The following INPP5A variants were observed in gnomAD, a reference collection of about 807,000 sequenced individuals.
The protein encoded by INPP5A is inositol polyphosphate-5-phosphatase A.
Under a neutral mutation model 65.2 loss-of-function variants are expected in INPP5A, and 14 were observed. The ratio of observed to expected loss-of-function variants is 0.21; its 90% CI spans 0.14 to 0.34. INPP5A has a LOEUF of 0.34. Ranked by LOEUF, INPP5A falls within the 10% of genes least tolerant of loss-of-function variation. The pLI is 1.00. For synonymous variants in INPP5A, 207 were observed against 208.3 expected (o/e 0.99, Z 0.05); for missense variants, 431 against 545.6 (o/e 0.79, Z 2.09).
Position 132,599,337 on chromosome 10 carries a change from G to A in INPP5A, c.76-8578G>A, listed in dbSNP as rs552675556. 1.1e-3 allele frequency among the ~76,000 whole-genome samples: 171 copies of A among 152,294 alleles called. 1 individual carries two copies. The highest frequency in any genetic ancestry group is 4.0e-3 in the African/African-American group (165 of 41,564). ...GCCAAAACAAAGGGGTTACAGGGCC[G>A]ATGCAAGTCCGAAATCCAGCGGGGC... On this transcript the variant is annotated intron_variant, in intron 1 of 15. Coordinates refer to ENST00000368594, the MANE Select transcript of INPP5A (RefSeq NM_005539.5).
At chr10:132,680,887 C>G (rs552576177) in intron 4 of INPP5A, among the ~76,000 whole-genome samples, 1 of 152,258 alleles carries the variant, frequency 6.6e-6, no homozygotes, top group African/African-American at 2.4e-5. Flanking sequence ...GCTGCCTTCC[C>G]GAGGGGCAGG....
chr10:132,589,662 G>A (rs1416270155), intron 1 of INPP5A, among the ~76,000 whole-genome samples: 5 of 152,228 alleles, frequency 3.3e-5, no homozygotes, highest in Non-Finnish European at 7.3e-5. Context: ...TGCCAGCCAG[G>A]GCCCAGGCAG....
At position 132,708,509 on chromosome 10, in the gene INPP5A, T is replaced by C. The variant is rs184303472; in HGVS notation, c.527+144T>C. 12 of 819,836 alleles carry C rather than the reference T, an allele frequency of 1.5e-5. No individual in the cohort carries two copies. The East Asian group carries it at 2.9e-4, about 20-fold the overall frequency. The allele number at this position is 819,836 out of a possible 1,614,324, so 50.8% of individuals were successfully genotyped here. ...CAGCTGCCTGACCCCCACCTGCCAC[T>C]CTGACCCTTTTGGTTCACGGCGATG... On this transcript the variant is annotated intron_variant, in intron 7 of 15. Coordinates refer to ENST00000368594, the MANE Select transcript of INPP5A (RefSeq NM_005539.5).
intron 7 of INPP5A, among the ~76,000 whole-genome samples, chr10:132,710,023 G>A (rs1335202787): frequency 2.0e-5 from 3 of 152,278 alleles, no homozygotes; most frequent in African/African-American, 4.8e-5. Flanking sequence ...CTGAGGGGTG[G>A]CCCTTCCTCT....
chr10:132,703,219 G>A (rs1845465462), intron 6 of INPP5A, among the ~76,000 whole-genome samples: 1 of 152,140 alleles, frequency 6.6e-6, no homozygotes, highest in South Asian at 2.1e-4. Context: ...GGGCTCTTGT[G>A]ATTGTCATCA....
intron 2 of INPP5A, among the ~76,000 whole-genome samples, chr10:132,628,453 G>A (rs564898891): frequency 2.2e-3 from 217 of 99,674 alleles, no homozygotes; most frequent in Non-Finnish European, 3.8e-3. Context: ...CTCCAGATGT[G>A]CTCTGGTGGC....
At chr10:132,615,034 G>A (rs776199390) in intron 2 of INPP5A, among the ~76,000 whole-genome samples, 9 of 152,252 alleles carry the variant, frequency 5.9e-5, no homozygotes, top group Non-Finnish European at 8.8e-5. Flanking sequence ...CGCGTCCAGC[G>A]TTGGGTCAGT....
At chr10:132,672,241 A>G (rs1590913640) in intron 4 of INPP5A, among the ~76,000 whole-genome samples, 1 of 152,182 alleles carries the variant, frequency 6.6e-6, no homozygotes, top group East Asian at 1.9e-4. Flanking sequence ...ACTTCATATC[A>G]GCATTTAAGT....
In INPP5A at chr10:132,762,737, G is replaced by A. The variant is rs1846756667; in HGVS notation, c.904-3036G>A. Among the ~76,000 whole-genome samples, 1 of 152,164 alleles carries A rather than the reference G, an allele frequency of 6.6e-6. No individual in the cohort carries two copies. Among genetic ancestry groups the A allele is most frequent in the Admixed American group, 6.5e-5 (1 of 15,278 alleles). On this transcript the variant is annotated intron_variant, in intron 11 of 15. Transcript: ENST00000368594. This position sits in a 1 kb window ranked among gnomAD's most constrained non-coding sequence, Gnocchi z 4.6. ...AGAAACATACTTGGGGCTGGGCACG[G>A]TAGAACACTTGGGGAGGCCGAGGCA...
intron 8 of INPP5A, among the ~76,000 whole-genome samples, chr10:132,724,598 G>A (rs1331430130): frequency 6.6e-6 from 1 of 151,980 alleles, no homozygotes; most frequent in Non-Finnish European, 1.5e-5. Context: ...GAGGCCCCAG[G>A]CCAGCAGGAG....
chr10:132,559,750 TC>T (rs2071176948), intron 1 of INPP5A, among the ~76,000 whole-genome samples: 1 of 152,206 alleles, frequency 6.6e-6, no homozygotes, highest in Admixed American at 6.5e-5. Flanking sequence ...GCACGTGTGT[TC>T]CAGGGACCTC....
At chr10:132,584,794 G>T (rs2071527686) in intron 1 of INPP5A, among the ~76,000 whole-genome samples, 1 of 152,168 alleles carries the variant, frequency 6.6e-6, no homozygotes, top group Admixed American at 6.5e-5. Flanking sequence ...AGAGTGCAGT[G>T]GCCCACTCAC....
In INPP5A at chr10:132,616,371, C is replaced by T. The variant is rs141987935; in HGVS notation, c.117+8415C>T. Among the ~76,000 whole-genome samples, 779 of 149,310 alleles carry T rather than the reference C, an allele frequency of 5.2e-3. 5 individuals carry two copies. The highest frequency in any genetic ancestry group is 0.017 in the African/African-American group (688 of 40,568). ...GTGTGGGGCACGTGGCGTGCGGGGACGCCGTGGGCGTGGTGTGAGGTATGT... is the reference window on the plus strand; with the variant it reads ...GTGTGGGGCACGTGGCGTGCGGGGATGCCGTGGGCGTGGTGTGAGGTATGT... On this transcript the variant is annotated intron_variant, in intron 2 of 15. Coordinates refer to ENST00000368594, the MANE Select transcript of INPP5A (RefSeq NM_005539.5). This position sits in a 1 kb window ranked among gnomAD's most constrained non-coding sequence, Gnocchi z 4.9.
At chr10:132,684,975 G>A (rs2073096194) in intron 4 of INPP5A, among the ~76,000 whole-genome samples, 1 of 152,066 alleles carries the variant, frequency 6.6e-6, no homozygotes, top group Admixed American at 6.5e-5. Flanking sequence ...AACAAATGAA[G>A]TTCTCTATTT....
Position 132,591,089 on chromosome 10 carries a change from G to T in INPP5A, c.76-16826G>T, listed in dbSNP as rs569241612. Among the ~76,000 whole-genome samples the T allele has an allele frequency of 2.6e-5, 4 of 152,198 alleles. No homozygotes were observed. The South Asian group carries it at 6.2e-4, about 24-fold the overall frequency. On this transcript the variant is annotated intron_variant, in intron 1 of 15. Coordinates refer to ENST00000368594, the MANE Select transcript of INPP5A (RefSeq NM_005539.5). The stretch of plus-strand genomic sequence containing the variant: ...GGGGATCTTCTGTGACTCCTCTATG[G>T]GTCCTTTGCCCGTTTTTCCATCAGT...
At position 132,762,897 on chromosome 10, in the gene INPP5A, G is replaced by C. The variant is rs1846760112; in HGVS notation, c.904-2876G>C. Reference sequence around the variant, plus strand: ...CCATCTGCTCGGGAGGCTGAGGCAGGAGAATCACTTGAGCCCAGGAGGCAG... The same window carrying C: ...CCATCTGCTCGGGAGGCTGAGGCAGCAGAATCACTTGAGCCCAGGAGGCAG... On this transcript the variant is annotated intron_variant, in intron 11 of 15. Coordinates refer to ENST00000368594, the MANE Select transcript of INPP5A (RefSeq NM_005539.5). The surrounding 1 kb of genome is among the most constrained non-coding windows in gnomAD (Gnocchi z 4.6). Among the ~76,000 whole-genome samples, 1 of 152,196 alleles carries C rather than the reference G, an allele frequency of 6.6e-6. No individual in the cohort carries two copies. The highest frequency in any genetic ancestry group is 6.5e-5 in the Admixed American group (1 of 15,284).
intron 1 of INPP5A, among the ~76,000 whole-genome samples, chr10:132,595,062 A>C (rs952974057): frequency 6.6e-6 from 1 of 152,246 alleles, no homozygotes; most frequent in African/African-American, 2.4e-5. Context: ...TACCCACTCC[A>C]ACCTTTGGGC....
rs1479079280 is a variant in INPP5A, at chr10:132,697,442, G to A, written c.371-374G>A. Reference sequence around the variant, plus strand: ...GAGTGATGGAGGCTGGATACGGGGAGGAAATCGATGTTATTAAATAAATTC... The same window carrying A: ...GAGTGATGGAGGCTGGATACGGGGAAGAAATCGATGTTATTAAATAAATTC... On this transcript the variant is annotated intron_variant, in intron 5 of 15. Transcript: ENST00000368594. The surrounding 1 kb of genome is among the most constrained non-coding windows in gnomAD (Gnocchi z 5.6). Among the ~76,000 whole-genome samples, 2 of 152,234 alleles carry A rather than the reference G, an allele frequency of 1.3e-5. No homozygotes were observed. Among genetic ancestry groups the A allele is most frequent in the African/African-American group, 2.4e-5 (1 of 41,460 alleles).
At chr10:132,746,269 G>A (rs1846370304) in intron 9 of INPP5A, among the ~76,000 whole-genome samples, 3 of 152,254 alleles carry the variant, frequency 2.0e-5, no homozygotes, top group Admixed American at 6.5e-5. Flanking sequence ...TTATAAACCA[G>A]CTCTTGAAGG....
Sources: allele counts gnomAD v4.1 joint callset (sites outside exome capture counted in the v4.1 genomes callset), GRCh38; gene constraint gnomAD v4.1.1; non-coding constraint Gnocchi (gnomAD v3.1); transcripts MANE v1.5; gene names NCBI Gene and HGNC (gene_info 2026-07-23, HGNC 2026-07-21).